Variants in NAALADL2 observed in about 807,000 individuals in gnomAD.
NAALADL2 encodes N-acetylated alpha-linked acidic dipeptidase like 2.
NAALADL2 carries 76 observed loss-of-function variants against 87.2 expected under a neutral mutation model. That is an observed-to-expected ratio of 0.87 (90% CI 0.72 to 1.05). The LOEUF is 1.05. NAALADL2 is among the 50% of genes least tolerant of loss of function. NAALADL2 has a pLI of 0.00. For synonymous variants in NAALADL2, 354 were observed against 331.0 expected (o/e 1.07, Z -0.75); for missense variants, 1,089 against 945.8 (o/e 1.15, Z -1.99).
chr3:174,894,066 A>T (rs1435934074), intron 1 of NAALADL2, among the ~76,000 whole-genome samples: 1 of 152,186 alleles, frequency 6.6e-6, no homozygotes, highest in Non-Finnish European at 1.5e-5. Context: ...TACTTAGAGA[A>T]ATTAGATTTT....
At chr3:175,016,055 A>T (rs745692674) in intron 1 of NAALADL2, among the ~76,000 whole-genome samples, 1 of 151,702 alleles carries the variant, frequency 6.6e-6, no homozygotes, top group Non-Finnish European at 1.5e-5. Flanking sequence ...GAGAGGGGAA[A>T]CATTGATATT....
intron 2 of NAALADL2, among the ~76,000 whole-genome samples, chr3:174,723,953 T>A (rs947782916): frequency 3.9e-5 from 6 of 152,024 alleles, no homozygotes; most frequent in Non-Finnish European, 7.4e-5. Context: ...TGATGACGTC[T>A]TTGAGCAAAT....
intron 2 of NAALADL2, among the ~76,000 whole-genome samples, chr3:175,185,710 AT>A (rs1296096657): frequency 6.6e-6 from 1 of 150,878 alleles, no homozygotes; most frequent in African/African-American, 2.4e-5. Flanking sequence ...TTTTTGTATA[AT>A]TATTTTGATA....
At chr3:174,979,436 G>C (rs910584839) in intron 1 of NAALADL2, among the ~76,000 whole-genome samples, 4 of 150,418 alleles carry the variant, frequency 2.7e-5, no homozygotes, top group Admixed American at 1.3e-4. Context: ...CTCCCAAGTA[G>C]CTGGGACTAC....
Position 174,510,504 on chromosome 3 carries a change from A to G in NAALADL2, c.-183-40065A>G, listed in dbSNP as rs566891778. Among the ~76,000 whole-genome samples, 8 of 152,088 alleles carry G rather than the reference A, an allele frequency of 5.3e-5. No individual in the cohort carries two copies. The East Asian group carries it at 1.5e-3, about 29-fold the overall frequency. On this transcript the variant is annotated intron_variant, in intron 1 of 3. Coordinates refer to the NAALADL2 transcript ENST00000434257. ...TTTTTTGTTTCATCTAAGTTATTGA[A>G]TATATTGGCATTTGTTGTTCATAAT...
At chr3:174,523,715 C>T (rs1241806149) in intron 1 of NAALADL2, among the ~76,000 whole-genome samples, 2 of 152,210 alleles carry the variant, frequency 1.3e-5, no homozygotes, top group Admixed American at 1.3e-4. Flanking sequence ...CTGAGGCTTT[C>T]TGCTGCCTAC....
chr3:174,877,720 A>C lies in NAALADL2; in HGVS notation c.43+18270A>C, dbSNP rs555528821. Among the ~76,000 whole-genome samples, 139 of 152,224 alleles carry C rather than the reference A, an allele frequency of 9.1e-4. 1 individual carries two copies. The highest frequency in any genetic ancestry group is 3.2e-3 in the African/African-American group (132 of 41,564). ...TAGAATATGGATTAAAGAATTGTTA[A>C]ATAGCATTGCAAGGGAGAAGCAGTA... On this transcript the variant is annotated intron_variant, in intron 1 of 13. Transcript: ENST00000454872.
At chr3:174,673,333 G>A (rs954825591) in intron 2 of NAALADL2, among the ~76,000 whole-genome samples, 1 of 151,984 alleles carries the variant, frequency 6.6e-6, no homozygotes, top group Non-Finnish European at 1.5e-5. Context: ...GAACTTGGAA[G>A]CAGAAATATG....
chr3:175,011,260 G>A (rs1435866058), intron 1 of NAALADL2, among the ~76,000 whole-genome samples: 2 of 130,224 alleles, frequency 1.5e-5, no homozygotes, highest in Non-Finnish European at 3.1e-5. Flanking sequence ...GACAGAGAGA[G>A]AGGGAGAGAG....
At chr3:174,882,769 GTGTATATATACATA>G (rs745733531) in intron 1 of NAALADL2, among the ~76,000 whole-genome samples, 5,792 of 140,860 alleles carry the variant, frequency 0.041, 178 homozygotes, top group Admixed American at 0.086. Context: ...ATATACACAC[GTGTATATATACATA>G]TGTGTATATA....
At chr3:175,026,903 A>G (rs897818520) in intron 1 of NAALADL2, among the ~76,000 whole-genome samples, 8 of 152,218 alleles carry the variant, frequency 5.3e-5, no homozygotes, top group African/African-American at 1.9e-4. Flanking sequence ...TGCATACCGA[A>G]CAAACATTTC....
At chr3:175,165,125 A>G (rs1324652385) in intron 2 of NAALADL2, among the ~76,000 whole-genome samples, 2 of 152,056 alleles carry the variant, frequency 1.3e-5, no homozygotes, top group East Asian at 1.9e-4. Flanking sequence ...CAATTCATGC[A>G]TTCTTCTTTC....
chr3:174,543,168 C>T (rs1217113383), intron 1 of NAALADL2, among the ~76,000 whole-genome samples: 7 of 152,074 alleles, frequency 4.6e-5, no homozygotes, highest in Admixed American at 2.0e-4. Context: ...TAAACCTAGG[C>T]GATGGACTGT....
rs1726188460 is a variant in NAALADL2 at position 174,859,363 on chromosome 3, A to T, written c.-45A>T. The T allele has an allele frequency of 4.0e-6, 6 of 1,486,968 alleles. No individual in the cohort carries two copies. The highest frequency in any genetic ancestry group is 3.6e-5 in the Admixed American group (2 of 55,842). 92.1% of individuals were successfully genotyped at this position (1,486,968 alleles called of 1,614,324 possible). On this transcript the variant is annotated 5_prime_UTR_variant, in exon 1 of 14. Transcript: ENST00000454872. ...GGTCACAAAGCTTGCAGGGTAAGTGACACAACTTGAAACTGCTTGGCCCTC... is the reference window on the plus strand; with the variant it reads ...GGTCACAAAGCTTGCAGGGTAAGTGTCACAACTTGAAACTGCTTGGCCCTC...
chr3:175,551,567 G>A (rs891608387), intron 9 of NAALADL2, among the ~76,000 whole-genome samples: 2 of 152,154 alleles, frequency 1.3e-5, no homozygotes, highest in Admixed American at 6.5e-5. Context: ...CTCAAAGTGA[G>A]AGTTATTCTC....
intron 2 of NAALADL2, among the ~76,000 whole-genome samples, chr3:175,137,608 T>C (rs1338531097): frequency 3.1e-4 from 3 of 9,794 alleles, no homozygotes; most frequent in South Asian, 0.015. Context: ...AGATTGACCC[T>C]TTTTTTTTTT....
At chr3:174,738,202 C>A (rs141178680) in intron 3 of NAALADL2, among the ~76,000 whole-genome samples, 2,093 of 152,284 alleles carry the variant, frequency 0.014, 12 homozygotes, top group Middle Eastern at 0.02. Flanking sequence ...CCTTTTGGAA[C>A]ACTTCTCAGT....
intron 1 of NAALADL2, among the ~76,000 whole-genome samples, chr3:174,958,743 T>C (rs1046299457): frequency 2.0e-5 from 3 of 152,080 alleles, no homozygotes; most frequent in African/African-American, 7.2e-5. Context: ...TGTGATAAAT[T>C]TTAATTCTTG....
At chr3:175,748,661 A>C (rs564373437) in intron 12 of NAALADL2, among the ~76,000 whole-genome samples, 1 of 152,188 alleles carries the variant, frequency 6.6e-6, no homozygotes, top group Non-Finnish European at 1.5e-5. Context: ...AGTACATTTC[A>C]CTTTTAATTT....
Sources: gnomAD v4.1 joint callset for allele counts (sites outside exome capture counted in the v4.1 genomes callset) on GRCh38, gnomAD v4.1.1 for gene constraint, MANE v1.5 for transcripts, NCBI Gene and HGNC (gene_info 2026-07-23, HGNC 2026-07-21) for gene names.